The following SLC35D4 variants were observed in gnomAD, a reference collection of about 807,000 sequenced individuals.
SLC35D4 encodes the protein solute carrier family 35 member D4.
the SLC35D4 span, among the ~76,000 whole-genome samples, chr18:23,238,734 G>A: frequency 6.6e-6 from 1 of 152,230 alleles, no homozygotes; most frequent in Non-Finnish European, 1.5e-5. Context: ...ACATGGCCAG[G>A]AAACTGGCTC....
At chr18:23,327,943 C>A in the SLC35D4 span, among the ~76,000 whole-genome samples, 3 of 152,112 alleles carry the variant, frequency 2.0e-5, no homozygotes, top group African/African-American at 7.2e-5. Context: ...ACAGAACTAA[C>A]AACAAAAACC....
the SLC35D4 span, among the ~76,000 whole-genome samples, chr18:23,317,699 C>A: frequency 3.3e-5 from 5 of 152,064 alleles, no homozygotes; most frequent in African/African-American, 7.2e-5. Context: ...ATCTGAAGAT[C>A]TACCATTGTA....
chr18:23,382,634 T>A, the SLC35D4 span, among the ~76,000 whole-genome samples: 18 of 152,134 alleles, frequency 1.2e-4, no homozygotes, highest in African/African-American at 4.1e-4. Flanking sequence ...TCAATTAAAA[T>A]GTGAAAGAAA....
chr18:23,246,144 G>T, the SLC35D4 span, among the ~76,000 whole-genome samples: 2 of 151,972 alleles, frequency 1.3e-5, no homozygotes, highest in South Asian at 2.1e-4. Context: ...CACACCTGTT[G>T]TCCCAGCTAC....
At chr18:23,358,135 A>G in the SLC35D4 span, among the ~76,000 whole-genome samples, 1 of 152,202 alleles carries the variant, frequency 6.6e-6, no homozygotes, top group East Asian at 1.9e-4. Flanking sequence ...GTCCACGTCC[A>G]TGGAGAATTC....
chr18:23,389,754 G>A, the SLC35D4 span, among the ~76,000 whole-genome samples: 1 of 152,128 alleles, frequency 6.6e-6, no homozygotes, highest in Non-Finnish European at 1.5e-5. Flanking sequence ...GATCAGGCTG[G>A]TCTCCAACTC....
the SLC35D4 span, among the ~76,000 whole-genome samples, chr18:23,407,009 T>C: frequency 6.6e-6 from 1 of 152,128 alleles, no homozygotes; most frequent in African/African-American, 2.4e-5. Context: ...GGTGTCTCCC[T>C]GTGTTTCTCA....
chr18:23,259,279 T>G, the SLC35D4 span: 1 of 151,452 alleles, frequency 6.6e-6, no homozygotes, highest in Admixed American at 6.6e-5. Flanking sequence ...TCTAGAGAGC[T>G]CCCCACTGCC....
the SLC35D4 span, among the ~76,000 whole-genome samples, chr18:23,360,839 C>T: frequency 6.6e-6 from 1 of 152,058 alleles, no homozygotes; most frequent in Middle Eastern, 3.2e-3. Flanking sequence ...CAGCAGCTCA[C>T]GCCTGTAATC....
the SLC35D4 span, chr18:23,356,600 C>G: frequency 1.9e-6 from 3 of 1,614,142 alleles, no homozygotes; most frequent in Non-Finnish European, 2.5e-6. The surrounding 1 kb of genome is among the most constrained non-coding windows in gnomAD (Gnocchi z 4.1). Flanking sequence ...TTACCTGGCA[C>G]AGCAGCTACC....
At chr18:23,378,178 A>G in the SLC35D4 span, among the ~76,000 whole-genome samples, 1 of 151,062 alleles carries the variant, frequency 6.6e-6, no homozygotes, top group East Asian at 1.9e-4. Flanking sequence ...GCCACCATGT[A>G]TGGCTACTCT....
At chr18:23,314,908 C>T in the SLC35D4 span, among the ~76,000 whole-genome samples, 1 of 152,230 alleles carries the variant, frequency 6.6e-6, no homozygotes, top group Non-Finnish European at 1.5e-5. Context: ...ACGGCTGGCA[C>T]AACCTCTGTG....
chr18:23,419,459 A>T, the SLC35D4 span, among the ~76,000 whole-genome samples: 1 of 151,832 alleles, frequency 6.6e-6, no homozygotes, highest in Admixed American at 6.6e-5. Context: ...CGCCCAGCTA[A>T]TTGTGTATTT....
chr18:23,251,548 CCCAGAAAAA>C, the SLC35D4 span, among the ~76,000 whole-genome samples: 8 of 152,072 alleles, frequency 5.3e-5, no homozygotes, highest in African/African-American at 1.7e-4. Context: ...CTGGAGGAAA[CCCAGAAAAA>C]AATTGTTTAA....
At chr18:23,385,412 G>A in the SLC35D4 span, among the ~76,000 whole-genome samples, 9 of 152,230 alleles carry the variant, frequency 5.9e-5, no homozygotes, top group African/African-American at 1.4e-4. Flanking sequence ...CCCGGCACAC[G>A]CAGAGCAAGC....
the SLC35D4 span, chr18:23,370,153 C>T: frequency 1.0e-5 from 15 of 1,440,070 alleles, no homozygotes; most frequent in Admixed American, 6.3e-5. Context: ...CACTCCAGAT[C>T]ACGCCATTGC....
At chr18:23,277,316 C>T in the SLC35D4 span, among the ~76,000 whole-genome samples, 4 of 152,052 alleles carry the variant, frequency 2.6e-5, no homozygotes, top group Admixed American at 2.6e-4. Flanking sequence ...GAGGTTTCTG[C>T]TTTTACATCT....
chr18:23,377,738 C>A, the SLC35D4 span: 2 of 1,375,246 alleles, frequency 1.5e-6, no homozygotes, highest in Non-Finnish European at 1.9e-6. Context: ...TAAAAGGAAA[C>A]ATTTTGATCA....
chr18:23,381,597 C>T, the SLC35D4 span, among the ~76,000 whole-genome samples: 1 of 152,126 alleles, frequency 6.6e-6, no homozygotes, highest in African/African-American at 2.4e-5. Context: ...ACAACAACAA[C>T]AAATTACCCA....
Sources: gnomAD v4.1 joint callset for allele counts (sites outside exome capture counted in the v4.1 genomes callset) on GRCh38, gnomAD v4.1.1 for gene constraint, Gnocchi (gnomAD v3.1) non-coding constraint, MANE v1.5 for transcripts, NCBI Gene and HGNC (gene_info 2026-07-23, HGNC 2026-07-21) for gene names.